The following IFT88 variants were observed in gnomAD, a reference collection of about 807,000 sequenced individuals.
The protein encoded by IFT88 is intraflagellar transport protein 88 homolog.
Under a neutral mutation model 119.5 loss-of-function variants are expected in IFT88, and 74 were observed. The observed-to-expected ratio is 0.62, with a 90% CI of 0.51 to 0.75. IFT88 has a LOEUF of 0.75. Ranked by LOEUF, IFT88 falls within the 30% of genes least tolerant of loss-of-function variation. The pLI is 0.00. For missense variants in IFT88, 961 were observed against 977.7 expected (o/e 0.98, Z 0.23); for synonymous variants, 279 against 316.7 (o/e 0.88, Z 1.26).
chr13:20,605,021 T>C lies in IFT88; in HGVS notation c.1042-14T>C. On this transcript the variant is annotated splice_polypyrimidine_tract_variant and intron_variant, in intron 12 of 25. Coordinates refer to ENST00000351808, the MANE Select transcript of IFT88 (RefSeq NM_006531.5). ...TCTGAATTATTCTTTTTTTCTTCCA[T>C]TTTATTTTACCAGGATGATCCTCAT... 1 of 1,299,046 alleles carries C rather than the reference T, an allele frequency of 7.7e-7. No individual in the cohort carries two copies. The highest frequency in any genetic ancestry group is 1.3e-5 in the South Asian group (1 of 79,586). The allele number at this position is 1,299,046 out of a possible 1,614,324, so 80.5% of individuals were successfully genotyped here.
intron 23 of IFT88, among the ~76,000 whole-genome samples, chr13:20,666,360 A>T (rs1241029289): frequency 1.3e-5 from 2 of 152,174 alleles, no homozygotes; most frequent in African/African-American, 2.4e-5. Context: ...CAACATTTTG[A>T]TGCTGTGCAA....
chr13:20,658,183 G>T (rs1300251160), intron 22 of IFT88, among the ~76,000 whole-genome samples: 1 of 151,432 alleles, frequency 6.6e-6, no homozygotes, highest in Admixed American at 6.6e-5. Context: ...TGCAACCTCT[G>T]CCTCCTGGGT....
At chr13:20,646,742 AC>A (rs2050815258) in intron 20 of IFT88, among the ~76,000 whole-genome samples, 1 of 150,120 alleles carries the variant, frequency 6.7e-6, no homozygotes, top group Non-Finnish European at 1.5e-5. Context: ...TCCCCTCTTG[AC>A]CTTCCCCTTA....
At chr13:20,570,165 C>T (rs1457979818) in intron 1 of IFT88, among the ~76,000 whole-genome samples, 4 of 152,098 alleles carry the variant, frequency 2.6e-5, no homozygotes, top group Middle Eastern at 3.2e-3. Flanking sequence ...GTCAATACTA[C>T]AATGAGATAC....
intron 23 of IFT88, among the ~76,000 whole-genome samples, chr13:20,668,661 G>T (rs531097659): frequency 6.6e-6 from 1 of 152,162 alleles, no homozygotes. Context: ...CAAACCGGTA[G>T]AGTCGGACCC....
intron 3 of IFT88, among the ~76,000 whole-genome samples, chr13:20,586,586 G>C (rs2039706168): frequency 6.6e-6 from 1 of 152,106 alleles, no homozygotes; most frequent in Admixed American, 6.6e-5. Context: ...GATGAATGAG[G>C]GAAGAGAGTG....
intron 12 of IFT88, among the ~76,000 whole-genome samples, chr13:20,602,206 C>CTTT (rs11458148): frequency 0.019 from 2,231 of 118,130 alleles, 148 homozygotes; most frequent in African/African-American, 0.039. Flanking sequence ...AGCATAATAT[C>CTTT]TTTTTTTTTT....
chr13:20,633,617 C>T (rs1009299059), intron 16 of IFT88, among the ~76,000 whole-genome samples: 1 of 152,058 alleles, frequency 6.6e-6, no homozygotes, highest in African/African-American at 2.4e-5. Context: ...CCAAGTTTGA[C>T]GACTGTGCAG....
intron 24 of IFT88, among the ~76,000 whole-genome samples, chr13:20,671,712 T>A (rs2055890101): frequency 1.3e-5 from 2 of 152,182 alleles, no homozygotes; most frequent in Admixed American, 1.3e-4. Flanking sequence ...TTAAACTTAG[T>A]ACAAATTTGG....
chr13:20,574,018 A>T, intron 1 of IFT88, among the ~76,000 whole-genome samples: 1 of 152,368 alleles, frequency 6.6e-6, no homozygotes, highest in South Asian at 2.1e-4. Context: ...AAATAGTTAT[A>T]CTTTATTGGA....
Position 20,691,265 on chromosome 13 carries a change from ATTT to A in IFT88, c.*96_*98del. On this transcript the variant is annotated 3_prime_UTR_variant, in exon 26 of 26. Transcript: ENST00000351808. ...TGGATTAAATATCTAACCTGTAATT[ATTT>A]TTTTTCACTGTCAAAACTTAAGTAA... The A allele has an allele frequency of 8.3e-7, 1 of 1,211,832 alleles. No individual in the cohort carries two copies. Among genetic ancestry groups the A allele is most frequent in the Non-Finnish European group, 1.1e-6 (1 of 882,750 alleles). 75.1% of individuals were successfully genotyped at this position (1,211,832 alleles called of 1,614,324 possible). A position where few individuals can be genotyped will look rare whatever the true frequency, so the allele number is the denominator to read the frequency against.
At chr13:20,619,521 G>A (rs2046166867) in intron 14 of IFT88, among the ~76,000 whole-genome samples, 1 of 152,080 alleles carries the variant, frequency 6.6e-6, no homozygotes, top group African/African-American at 2.4e-5. Context: ...CTCTGTGTTT[G>A]TTAGTGTTGT....
At chr13:20,678,325 G>A (rs1337461297) in intron 24 of IFT88, among the ~76,000 whole-genome samples, 1 of 152,246 alleles carries the variant, frequency 6.6e-6, no homozygotes, top group South Asian at 2.1e-4. Flanking sequence ...GAAATAGGGT[G>A]CAGAGTGGGA....
chr13:20,587,650 G>T (rs564564148), intron 3 of IFT88, among the ~76,000 whole-genome samples: 59 of 152,014 alleles, frequency 3.9e-4, no homozygotes, highest in Admixed American at 2.6e-3. Context: ...TATATATATG[G>T]AGCAAAGATA....
chr13:20,584,464 A>C (rs1053366087), intron 3 of IFT88, among the ~76,000 whole-genome samples: 10 of 152,160 alleles, frequency 6.6e-5, no homozygotes, highest in African/African-American at 2.4e-4. Context: ...TTGCTTTTCT[A>C]ATTTTTAAAG....
At chr13:20,647,678 A>G (rs2050954887) in intron 20 of IFT88, among the ~76,000 whole-genome samples, 1 of 152,192 alleles carries the variant, frequency 6.6e-6, no homozygotes, top group South Asian at 2.1e-4. Flanking sequence ...GTTCTTTAAT[A>G]TTGATTGTGA....
rs753853914 is a variant in IFT88 at position 20,641,267 on chromosome 13, CTTTTTT to C, written c.1574-20_1574-15del. 1.2e-5 allele frequency: 16 copies of C among 1,355,276 alleles called. No homozygotes were observed. In the Admixed American group the frequency reaches 2.0e-4, roughly 17 times the overall value. The allele number at this position is 1,355,276 out of a possible 1,614,324, so 84.0% of individuals were successfully genotyped here. The stretch of plus-strand genomic sequence containing the variant: ...ACCAATAATGATACTTATAGATTTT[CTTTTTT>C]TTCTTCTTTTTTTAAGGCCTTACCT... On this transcript the variant is annotated splice_polypyrimidine_tract_variant and intron_variant, in intron 17 of 25. Coordinates refer to ENST00000351808, the MANE Select transcript of IFT88 (RefSeq NM_006531.5).
At chr13:20,659,574 C>T (rs535121865) in intron 22 of IFT88, among the ~76,000 whole-genome samples, 18 of 151,934 alleles carry the variant, frequency 1.2e-4, no homozygotes, top group African/African-American at 4.3e-4. Flanking sequence ...AATGTATATG[C>T]AAATGCAATT....
At chr13:20,606,419 C>G (rs2043465605) in intron 13 of IFT88, among the ~76,000 whole-genome samples, 1 of 152,180 alleles carries the variant, frequency 6.6e-6, no homozygotes, top group African/African-American at 2.4e-5. Flanking sequence ...TCTGCCTATT[C>G]TGGGTGTCAA....
Sources: gnomAD v4.1 joint callset for allele counts (sites outside exome capture counted in the v4.1 genomes callset) on GRCh38, gnomAD v4.1.1 for gene constraint, MANE v1.5 for transcripts, NCBI Gene and HGNC (gene_info 2026-07-23, HGNC 2026-07-21) for gene names.